TMEM45A: variants seen among roughly 807,000 people sequenced by gnomAD.
TMEM45A encodes DNA polymerase-transactivated protein 4.
TMEM45A carries 25 observed loss-of-function variants against 32.0 expected under a neutral mutation model. The observed-to-expected ratio is 0.78, with a 90% CI of 0.57 to 1.09. TMEM45A has a LOEUF of 1.09. Ranked by LOEUF, TMEM45A falls within the 50% of genes least tolerant of loss-of-function variation. TMEM45A has a pLI of 0.00. For missense variants in TMEM45A, 302 were observed against 325.0 expected (o/e 0.93, Z 0.54); for synonymous variants, 122 against 114.8 (o/e 1.06, Z -0.40).
intron 1 of TMEM45A, among the ~76,000 whole-genome samples, chr3:100,543,672 T>C (rs1351935017): frequency 6.6e-6 from 1 of 152,214 alleles, no homozygotes; most frequent in African/African-American, 2.4e-5. Context: ...TTTTTTACCC[T>C]TGGGGGAGCA....
intron 1 of TMEM45A, chr3:100,519,460 A>T: frequency 1.8e-6 from 2 of 1,090,582 alleles, no homozygotes; most frequent in Non-Finnish European, 2.7e-6. Context: ...TTTTTATTCC[A>T]GAAACTTTTC....
chr3:100,558,792 C>G (rs925029097), intron 4 of TMEM45A, among the ~76,000 whole-genome samples: 3 of 152,180 alleles, frequency 2.0e-5, no homozygotes, highest in Non-Finnish European at 4.4e-5. Flanking sequence ...GTGGTGCGTG[C>G]ACATCTTCAT....
intron 4 of TMEM45A, among the ~76,000 whole-genome samples, chr3:100,560,537 A>T (rs1706311657): frequency 6.6e-6 from 1 of 151,714 alleles, no homozygotes; most frequent in Non-Finnish European, 1.5e-5. Flanking sequence ...CTTATTATTT[A>T]TTTCTAATGT....
At chr3:100,497,629 G>A (rs1048028651) in intron 1 of TMEM45A, among the ~76,000 whole-genome samples, 3 of 152,066 alleles carry the variant, frequency 2.0e-5, no homozygotes, top group African/African-American at 7.3e-5. Context: ...ACTATTCTAG[G>A]TACCTCATAT....
intron 1 of TMEM45A, among the ~76,000 whole-genome samples, chr3:100,518,687 G>A (rs1705350240): frequency 6.6e-6 from 1 of 152,182 alleles, no homozygotes; most frequent in African/African-American, 2.4e-5. Context: ...TCATTCCTGA[G>A]TCGTATTTGT....
chr3:100,546,292 A>G (rs1705978766), intron 1 of TMEM45A, among the ~76,000 whole-genome samples: 2 of 152,220 alleles, frequency 1.3e-5, no homozygotes, highest in Admixed American at 6.5e-5. Flanking sequence ...TATCTGACCC[A>G]TAGAACGGTA....
intron 1 of TMEM45A, among the ~76,000 whole-genome samples, chr3:100,497,977 A>C (rs1707954678): frequency 6.6e-6 from 1 of 152,154 alleles, no homozygotes; most frequent in African/African-American, 2.4e-5. Context: ...CCTCATCTTA[A>C]ATTGTAATCC....
Position 100,577,010 on chromosome 3 carries a change from G to T in TMEM45A, c.820G>T (p.Glu274Ter). 6.2e-7 allele frequency: 1 copy of T among 1,612,296 alleles called. No homozygotes were observed. The highest frequency in any genetic ancestry group is 1.1e-5 in the South Asian group (1 of 90,866). Residue 274 changes from glutamate (E) to a stop codon, truncating the protein, a stop_gained, in exon 6 of 6, where the codon GAA (glutamate) becomes TAA (stop). Coordinates refer to ENST00000323523, the MANE Select transcript of TMEM45A (RefSeq NM_018004.3). LOFTEE classifies it high-confidence loss of function. ...NAEREQESEE[E>*]M is the part of the protein sequence containing the mutation. ...TGAACGAGAACAAGAATCAGAAGAAGAAATGTGACTTTGATGAGCTTCCAG... is the reference window on the plus strand; with the variant it reads ...TGAACGAGAACAAGAATCAGAAGAATAAATGTGACTTTGATGAGCTTCCAG...
chr3:100,498,697 A>G (rs1021702623), intron 1 of TMEM45A, among the ~76,000 whole-genome samples: 4 of 152,174 alleles, frequency 2.6e-5, no homozygotes, highest in African/African-American at 9.7e-5. Context: ...GTGTACAAAT[A>G]TCTATTTAAG....
chr3:100,569,722 T>A (rs1706521017), intron 5 of TMEM45A, among the ~76,000 whole-genome samples: 1 of 148,310 alleles, frequency 6.7e-6, no homozygotes, highest in African/African-American at 2.4e-5. Flanking sequence ...TTTTCCTCCC[T>A]CTCCTCTTCC....
chr3:100,567,817 C>T (rs965800606), intron 4 of TMEM45A, among the ~76,000 whole-genome samples: 2 of 152,108 alleles, frequency 1.3e-5, no homozygotes, highest in Non-Finnish European at 2.9e-5. Flanking sequence ...CGGAGACTTG[C>T]TCTGTCGCCC....
At chr3:100,565,902 A>G (rs546765773) in intron 4 of TMEM45A, among the ~76,000 whole-genome samples, 17 of 152,190 alleles carry the variant, frequency 1.1e-4, no homozygotes, top group Middle Eastern at 3.4e-3. Context: ...CCGAAAGGAA[A>G]CCTTGGGCCC....
At chr3:100,559,034 A>G (rs1336348316) in intron 4 of TMEM45A, among the ~76,000 whole-genome samples, 3 of 152,178 alleles carry the variant, frequency 2.0e-5, no homozygotes, top group South Asian at 2.1e-4. Context: ...AGGCATTATC[A>G]TCATCAATTT....
chr3:100,505,345 A>G (rs749236322), intron 1 of TMEM45A, among the ~76,000 whole-genome samples: 1 of 152,178 alleles, frequency 6.6e-6, no homozygotes, highest in Non-Finnish European at 1.5e-5. Flanking sequence ...TGTTCTCCCT[A>G]ACATCCCCCC....
intron 1 of TMEM45A, among the ~76,000 whole-genome samples, chr3:100,551,871 C>T (rs1706111435): frequency 6.6e-6 from 1 of 152,054 alleles, no homozygotes; most frequent in Non-Finnish European, 1.5e-5. Context: ...CCTTTCTTTC[C>T]CCACTTTGAT....
intron 1 of TMEM45A, among the ~76,000 whole-genome samples, chr3:100,517,415 G>C (rs1708281803): frequency 6.6e-6 from 1 of 152,230 alleles, no homozygotes; most frequent in Non-Finnish European, 1.5e-5. Flanking sequence ...TGAGGAACTT[G>C]ATACTTTCTG....
At position 100,512,040 on chromosome 3, in the gene TMEM45A, C is replaced by T. The variant is rs1165433797; in HGVS notation, c.-4+19112C>T. On this transcript the variant is annotated intron_variant, in intron 1 of 5. Coordinates refer to ENST00000323523, the MANE Select transcript of TMEM45A (RefSeq NM_018004.3). The stretch of plus-strand genomic sequence containing the variant: ...ATTAATAATGGGAGACTTTAACACC[C>T]CACTGTCAACATTAGACAGATCAAT... Among the ~76,000 whole-genome samples the T allele has an allele frequency of 4.0e-5, 6 of 151,798 alleles. No homozygotes were observed. In the East Asian group the frequency reaches 7.8e-4, roughly 20 times the overall value.
intron 1 of TMEM45A, among the ~76,000 whole-genome samples, chr3:100,496,466 G>GAA (rs1707929993): frequency 6.6e-6 from 1 of 152,132 alleles, no homozygotes; most frequent in Admixed American, 6.5e-5. Context: ...TAACTTTGTA[G>GAA]CCCGAGCCTT....
chr3:100,507,526 A>G (rs936814013), intron 1 of TMEM45A, among the ~76,000 whole-genome samples: 2 of 152,096 alleles, frequency 1.3e-5, no homozygotes, highest in African/African-American at 4.8e-5. Flanking sequence ...CTTTTAAAGG[A>G]GGGGGTCTTA....
Sources: allele counts gnomAD v4.1 joint callset (sites outside exome capture counted in the v4.1 genomes callset), GRCh38; gene constraint gnomAD v4.1.1; transcripts MANE v1.5; gene names NCBI Gene and HGNC (gene_info 2026-07-23, HGNC 2026-07-21).